The following EGFLAM variants were observed in gnomAD, a reference collection of about 807,000 sequenced individuals.
EGFLAM encodes EGF like, fibronectin type III and laminin G domains.
In EGFLAM, 79 loss-of-function variants were observed where a neutral mutation model predicts 113.1. The observed-to-expected ratio is 0.70, with a 90% CI of 0.58 to 0.84. The LOEUF (loss-of-function observed/expected upper bound fraction) is 0.84. Among genes scored for constraint, EGFLAM ranks in the 40% least tolerant of loss-of-function variants. The pLI, the probability that EGFLAM is intolerant of heterozygous loss-of-function variation, is 0.00. For synonymous variants in EGFLAM, 504 were observed against 487.6 expected (o/e 1.03, Z -0.44); for missense variants, 1,265 against 1,291.6 (o/e 0.98, Z 0.32).
chr5:38,397,710 A>C (rs1334798341), intron 6 of EGFLAM, among the ~76,000 whole-genome samples: 1 of 152,224 alleles, frequency 6.6e-6, no homozygotes. Flanking sequence ...CTGCCTAAGC[A>C]AATGTAGAAA....
chr5:38,399,204 A>G (rs141954605), intron 6 of EGFLAM, among the ~76,000 whole-genome samples: 3 of 151,922 alleles, frequency 2.0e-5, no homozygotes, highest in Admixed American at 1.3e-4. Flanking sequence ...GAGGGAAGGT[A>G]GGAAGAACTG....
chr5:38,450,433 T>A (rs1442294103), intron 18 of EGFLAM, among the ~76,000 whole-genome samples: 2 of 152,208 alleles, frequency 1.3e-5, no homozygotes, highest in Admixed American at 1.3e-4. Context: ...TTGAGGACAC[T>A]GCAGACACAG....
At chr5:38,428,977 C>T (rs1253982135) in intron 14 of EGFLAM, among the ~76,000 whole-genome samples, 1 of 152,210 alleles carries the variant, frequency 6.6e-6, no homozygotes, top group Non-Finnish European at 1.5e-5. Context: ...ACAGTGATTA[C>T]TCTTGGTGTT....
intron 1 of EGFLAM, among the ~76,000 whole-genome samples, chr5:38,321,490 C>T (rs1191046325): frequency 3.9e-5 from 6 of 152,166 alleles, no homozygotes; most frequent in Non-Finnish European, 5.9e-5. Flanking sequence ...AGAAACAGGT[C>T]ACACTGTGCA....
chr5:38,327,882 T>G (rs1349150969), intron 1 of EGFLAM, among the ~76,000 whole-genome samples: 1 of 152,218 alleles, frequency 6.6e-6, no homozygotes, highest in Non-Finnish European at 1.5e-5. Context: ...ATACCACAAG[T>G]ACATATTGTG....
intron 6 of EGFLAM, among the ~76,000 whole-genome samples, chr5:38,400,517 C>T (rs971017332): frequency 4.6e-5 from 7 of 152,072 alleles, no homozygotes; most frequent in African/African-American, 9.7e-5. Flanking sequence ...TGGCTTGGAC[C>T]GTACATTCTG....
Position 38,438,422 on chromosome 5 carries a change from C to T in EGFLAM, c.2431C>T (p.Pro811Ser). ...GAAGGAGGGCTATGACTGTGACTGCCCCTTGGGCTTTGAGGGGCTTCACTG... is the reference window on the plus strand; with the variant it reads ...GAAGGAGGGCTATGACTGTGACTGCTCCTTGGGCTTTGAGGGGCTTCACTG... ...PRKEGYDCDC[P>S]LGFEGLHCQK... Residue 811 changes from proline to serine, a missense_variant, in exon 17 of 22, where the codon CCC becomes TCC. Pro to Ser is a moderately conservative substitution (Grantham distance 74). Transcript: ENST00000322350. 1 of 1,612,614 alleles carries T rather than the reference C, an allele frequency of 6.2e-7. No homozygotes were observed.
intron 20 of EGFLAM, 134 bp from the exon 21 acceptor site, chr5:38,462,774 T>G (rs1436288625): frequency 1.0e-6 from 1 of 1,004,448 alleles, no homozygotes. Flanking sequence ...CTTTGATTTC[T>G]GCAGCCCCAT....
chr5:38,370,387 C>A lies in EGFLAM; in HGVS notation c.637C>A (p.Gln213Lys). Residue 213 changes from glutamine (Q) to lysine (K), a missense_variant, in exon 6 of 22, where the codon CAG (glutamine) becomes AAG (lysine). By Grantham distance (53) the Gln-to-Lys change is moderately conservative. Transcript: ENST00000322350. ...IKGLDPDTNY[Q>K]FAVRAMNSHG... ...GGGCCTCGATCCAGATACCAACTAC[C>A]AGTTTGCCGTGAGGGCAATGAATTC... 6.2e-7 allele frequency: 1 copy of A among 1,614,188 alleles called. No individual in the cohort carries two copies. The highest frequency in any genetic ancestry group is 8.5e-7 in the Non-Finnish European group (1 of 1,180,036).
intron 13 of EGFLAM, 117 bp from the exon 14 acceptor site, chr5:38,426,892 G>A (rs1742027312): frequency 6.9e-7 from 1 of 1,455,856 alleles, no homozygotes; most frequent in African/African-American, 1.4e-5. Context: ...CTAACTGCAG[G>A]GCTGCTGGGA....
At chr5:38,423,394 C>G (rs1741898287) in intron 12 of EGFLAM, among the ~76,000 whole-genome samples, 1 of 152,150 alleles carries the variant, frequency 6.6e-6, no homozygotes, top group Non-Finnish European at 1.5e-5. Context: ...ATGCTGCTTT[C>G]ACCAAGTCAG....
At chr5:38,300,961 T>C (rs1199938360) in intron 1 of EGFLAM, among the ~76,000 whole-genome samples, 1 of 152,174 alleles carries the variant, frequency 6.6e-6, no homozygotes. Context: ...GGAAGGACTT[T>C]ATGTCAAGTC....
At chr5:38,263,025 C>G (rs1582919) in intron 1 of EGFLAM, among the ~76,000 whole-genome samples, 1 of 151,936 alleles carries the variant, frequency 6.6e-6, no homozygotes, top group African/African-American at 2.4e-5. Flanking sequence ...TGATTCTATT[C>G]TAATAAGCAT....
intron 6 of EGFLAM, among the ~76,000 whole-genome samples, chr5:38,389,993 A>G (rs1053859368): frequency 6.6e-6 from 1 of 152,148 alleles, no homozygotes; most frequent in Non-Finnish European, 1.5e-5. Flanking sequence ...AGTGTGGTGA[A>G]AAATATCAGG....
chr5:38,286,932 AG>A (rs1758178579), intron 1 of EGFLAM, among the ~76,000 whole-genome samples: 1 of 152,210 alleles, frequency 6.6e-6, no homozygotes, highest in Non-Finnish European at 1.5e-5. Flanking sequence ...AGCCTACCAC[AG>A]GGCCCTGACA....
intron 1 of EGFLAM, among the ~76,000 whole-genome samples, chr5:38,277,576 TA>T (rs1314456140): frequency 6.8e-6 from 1 of 147,792 alleles, no homozygotes; most frequent in Non-Finnish European, 1.5e-5. Flanking sequence ...TTAGGCAAGA[TA>T]AAGAAATAAA....
At position 38,406,858 on chromosome 5, in the gene EGFLAM, A is replaced by T. The variant is rs1276123395; in HGVS notation, c.859A>T (p.Asn287Tyr). The T allele has an allele frequency of 6.2e-7, 1 of 1,614,008 alleles. No individual in the cohort carries two copies. Among genetic ancestry groups the T allele is most frequent in the East Asian group, 2.2e-5 (1 of 44,870 alleles). Reference sequence around the variant, plus strand: ...ACCACTTCCTGCTACCAAAGGAGGGAATAAGAAATTTTTGGTGGAAAGCAA... The same window carrying T: ...ACCACTTCCTGCTACCAAAGGAGGGTATAAGAAATTTTTGGTGGAAAGCAA... Reference protein sequence around the residue: ...VKPLPATKGGNKKFLVESKKM... With the variant: ...VKPLPATKGGYKKFLVESKKM... Residue 287 changes from asparagine to tyrosine, a missense_variant, in exon 8 of 22, where the codon AAT becomes TAT. Physicochemically the swap from Asn to Tyr is moderately radical, Grantham distance 143. Coordinates refer to ENST00000322350, the MANE Select transcript of EGFLAM (RefSeq NM_152403.4).
intron 20 of EGFLAM, 63 bp downstream of exon 20, chr5:38,458,457 G>C: frequency 6.5e-7 from 1 of 1,534,548 alleles, no homozygotes. Flanking sequence ...GTGGTGTCCA[G>C]TTCCCTTGTA....
chr5:38,364,325 C>A (rs1740003997), intron 5 of EGFLAM, among the ~76,000 whole-genome samples: 1 of 152,146 alleles, frequency 6.6e-6, no homozygotes, highest in Admixed American at 6.5e-5. Context: ...TAAGCTTGAT[C>A]TGACCTAGTT....
Sources: allele counts gnomAD v4.1 joint callset (sites outside exome capture counted in the v4.1 genomes callset), GRCh38; gene constraint gnomAD v4.1.1; transcripts MANE v1.5; gene names NCBI Gene and HGNC (gene_info 2026-07-23, HGNC 2026-07-21).